Variants in ALDH4A1 observed in about 807,000 individuals in gnomAD.
ALDH4A1 encodes aldehyde dehydrogenase 4 family member A1.
ALDH4A1 carries 46 observed loss-of-function variants against 70.5 expected under a neutral mutation model. The observed-to-expected ratio is 0.65, with a 90% CI of 0.51 to 0.83. The LOEUF (loss-of-function observed/expected upper bound fraction) is 0.83. ALDH4A1 is among the 40% of genes least tolerant of loss of function. The pLI, the probability that ALDH4A1 is intolerant of heterozygous loss-of-function variation, is 0.00. For missense variants in ALDH4A1, 749 were observed against 766.5 expected (o/e 0.98, Z 0.27); for synonymous variants, 323 against 324.3 (o/e 1.00, Z 0.04).
chr1:18,875,495 G>T lies in ALDH4A1; in HGVS notation c.1347C>A (p.Phe449Leu). 1 of 1,614,078 alleles carries T rather than the reference G, an allele frequency of 6.2e-7. No homozygotes were observed. Among genetic ancestry groups the T allele is most frequent in the Non-Finnish European group, 8.5e-7 (1 of 1,180,006 alleles). ...PQEPIMKEEI[F>L]GPVLSVYVYP... ...AGACGTACACAGACAGTACAGGCCC[G>T]AAGATCTCCTAGGAGAGAGGCCCCG... The change falls in exon 13 of 15, where the codon TTC becomes TTA. Residue 449 changes from phenylalanine to leucine, a missense_variant. Physicochemically the swap from Phe to Leu is conservative, Grantham distance 22. Coordinates refer to ENST00000375341, the MANE Select transcript of ALDH4A1 (RefSeq NM_003748.4).
At position 18,883,354 on chromosome 1, in the gene ALDH4A1, A is replaced by T; in HGVS notation, c.528T>A (p.Tyr176Ter). 6.2e-7 allele frequency: 1 copy of T among 1,613,480 alleles called. No individual in the cohort carries two copies. Among genetic ancestry groups the T allele is most frequent in the Non-Finnish European group, 8.5e-7 (1 of 1,180,044 alleles). The change falls in exon 6 of 15, where the codon TAT (tyrosine) becomes TAA (stop). Residue 176 changes from tyrosine (Y) to a stop codon, truncating the protein, a stop_gained. Coordinates refer to ENST00000375341, the MANE Select transcript of ALDH4A1 (RefSeq NM_003748.4). LOFTEE classifies it high-confidence loss of function. ...GCTGCTGCCCCTCCAGCTCCACCGCATACTTGGCATTGAACCGGAAGAAGT... is the reference window on the plus strand; with the variant it reads ...GCTGCTGCCCCTCCAGCTCCACCGCTTACTTGGCATTGAACCGGAAGAAGT... The part of the protein sequence containing the change: ...LIDFFRFNAK[Y>*]AVELEGQQPI...
intron 1 of ALDH4A1, among the ~76,000 whole-genome samples, chr1:18,901,470 C>T (rs1445202463): frequency 1.3e-5 from 2 of 152,144 alleles, no homozygotes; most frequent in South Asian, 2.1e-4. Flanking sequence ...GTGGGCAGCC[C>T]CACCAGACTA....
At chr1:18,890,182 C>CT in intron 1 of ALDH4A1, 77 bp from the exon 2 acceptor site, 2 of 1,260,274 alleles carry the variant, frequency 1.6e-6, no homozygotes, top group Non-Finnish European at 2.3e-6. Flanking sequence ...CCTCTACCTC[C>CT]GACAGGGGGT....
intron 9 of ALDH4A1, among the ~76,000 whole-genome samples, chr1:18,878,555 C>T (rs748782674): frequency 2.6e-5 from 4 of 152,122 alleles, no homozygotes; most frequent in Non-Finnish European, 5.9e-5. Context: ...CTGCAACTCT[C>T]CCTCCCTCTA....
At position 18,889,234 on chromosome 1, in the gene ALDH4A1, C is replaced by G. The variant is rs546866554; in HGVS notation, c.249+128G>C. 3.7e-6 allele frequency: 3 copies of G among 820,568 alleles called. No individual in the cohort carries two copies. In the Admixed American group the frequency reaches 6.4e-5, roughly 17 times the overall value. 50.8% of individuals were successfully genotyped at this position (820,568 alleles called of 1,614,324 possible). ...TTTACTGGTCCACAGAATTCAAAAT[C>G]TGGGGTGGGGAGGGGCACTATAAAG... On this transcript the variant is annotated intron_variant, in intron 3 of 14. Coordinates refer to ENST00000375341, the MANE Select transcript of ALDH4A1 (RefSeq NM_003748.4).
intron 1 of ALDH4A1, chr1:18,900,986 A>G: frequency 1.1e-6 from 1 of 896,762 alleles, no homozygotes; most frequent in Non-Finnish European, 1.3e-6. Context: ...GGGTTTTCCT[A>G]TGCATTTCTC....
chr1:18,883,504 C>T, intron 5 of ALDH4A1, 76 bp from the exon 6 acceptor site: 1 of 1,595,322 alleles, frequency 6.3e-7, no homozygotes, highest in Non-Finnish European at 8.5e-7. Flanking sequence ...TGACGCTGTG[C>T]CCAAAGCGAG....
intron 1 of ALDH4A1, among the ~76,000 whole-genome samples, chr1:18,901,600 A>G (rs1935800979): frequency 6.6e-6 from 1 of 152,196 alleles, no homozygotes; most frequent in African/African-American, 2.4e-5. Flanking sequence ...TGGCTCCACA[A>G]TGTCAGGTTT....
At chr1:18,892,485 G>A (rs966078667) in intron 1 of ALDH4A1, among the ~76,000 whole-genome samples, 3 of 151,958 alleles carry the variant, frequency 2.0e-5, no homozygotes, top group Non-Finnish European at 4.4e-5. Context: ...AGGCCTCTCT[G>A]AGGAGGTGAC....
At chr1:18,888,077 A>G (rs961668357) in intron 3 of ALDH4A1, among the ~76,000 whole-genome samples, 2 of 152,232 alleles carry the variant, frequency 1.3e-5, no homozygotes, top group African/African-American at 4.8e-5. Context: ...CTAAAAGAGT[A>G]GCCACGAGCC....
At chr1:18,875,036 C>A (rs1022835800) in intron 13 of ALDH4A1, among the ~76,000 whole-genome samples, 8 of 152,234 alleles carry the variant, frequency 5.3e-5, no homozygotes, top group Non-Finnish European at 1.0e-4. Flanking sequence ...CCTCTGCAGC[C>A]CCTGGCCTGC....
chr1:18,875,339 G>C lies in ALDH4A1; in HGVS notation c.1460+43C>G, dbSNP rs755056557. On this transcript the variant is annotated intron_variant, in intron 13 of 14. Coordinates refer to ENST00000375341, the MANE Select transcript of ALDH4A1 (RefSeq NM_003748.4). ...GAGGTGGGGATGGGGACACGGACAG[G>C]ACACCCGGAGCACAGCACCAGGGCT... 39 of 1,613,424 alleles carry C rather than the reference G, an allele frequency of 2.4e-5. 1 individual carries two copies. The Middle Eastern group carries it at 5.2e-4, about 22-fold the overall frequency.
In ALDH4A1 at chr1:18,877,495, C is replaced by T. The variant is rs957840703; in HGVS notation, c.1058G>A (p.Arg353His). 1.2e-6 allele frequency: 2 copies of T among 1,605,574 alleles called. No homozygotes were observed. Among genetic ancestry groups the T allele is most frequent in the Non-Finnish European group, 1.7e-6 (2 of 1,176,440 alleles). The change falls in exon 10 of 15, where the codon CGT becomes CAT. Residue 353 changes from arginine to histidine, a missense_variant. Transcript: ENST00000375341. ...YGGQKCSACS[R>H]LYVPHSLWPQ... Reference sequence around the variant, plus strand: ...CCACAGCGAGTGCGGCACGTAGAGACGCGAGCACGCGGAACACTTCTGGCC... The same window carrying T: ...CCACAGCGAGTGCGGCACGTAGAGATGCGAGCACGCGGAACACTTCTGGCC...
intron 1 of ALDH4A1, among the ~76,000 whole-genome samples, chr1:18,895,912 G>T (rs1935601646): frequency 6.6e-6 from 1 of 152,192 alleles, no homozygotes; most frequent in African/African-American, 2.4e-5. Flanking sequence ...ACAGTGGGGA[G>T]CTCAGTGAGA....
Position 18,889,458 on chromosome 1 carries a change from G to C in ALDH4A1, c.157-4C>G, listed in dbSNP as rs1275941829. 6.4e-7 allele frequency: 1 copy of C among 1,551,290 alleles called. No homozygotes were observed. Among genetic ancestry groups the C allele is most frequent in the Non-Finnish European group, 8.7e-7 (1 of 1,146,724 alleles). ...GGCCCTTCAGGTCCTTCAAGGCCTG[G>C]GGAGAGGGACAAGAGTGGGTATGGT... On this transcript the variant is annotated splice_polypyrimidine_tract_variant and splice_region_variant and intron_variant, in intron 2 of 14. Coordinates refer to ENST00000375341, the MANE Select transcript of ALDH4A1 (RefSeq NM_003748.4).
At chr1:18,878,105 C>T (rs1351746787) in intron 9 of ALDH4A1, among the ~76,000 whole-genome samples, 2 of 152,170 alleles carry the variant, frequency 1.3e-5, no homozygotes, top group Non-Finnish European at 1.5e-5. Context: ...TGGGAGGGAG[C>T]TTCAGACAGG....
intron 1 of ALDH4A1, among the ~76,000 whole-genome samples, chr1:18,894,498 G>A (rs1339325117): frequency 3.9e-5 from 6 of 152,332 alleles, no homozygotes; most frequent in South Asian, 4.1e-4. Flanking sequence ...AGCCCAGATC[G>A]TGCCACTGCA....
chr1:18,884,249 G>A (rs1219367532), intron 5 of ALDH4A1, among the ~76,000 whole-genome samples: 1 of 152,214 alleles, frequency 6.6e-6, no homozygotes, highest in Non-Finnish European at 1.5e-5. Context: ...ACCCCAGAGG[G>A]CTGCTGAGCC....
chr1:18,879,133 C>G (rs1362374611), intron 9 of ALDH4A1, among the ~76,000 whole-genome samples, 167 bp downstream of exon 9: 1 of 152,234 alleles, frequency 6.6e-6, no homozygotes, highest in African/African-American at 2.4e-5. Context: ...AGTGAAGGTA[C>G]TGGACGCATC....
Sources: gnomAD v4.1 joint callset for allele counts (sites outside exome capture counted in the v4.1 genomes callset) on GRCh38, gnomAD v4.1.1 for gene constraint, MANE v1.5 for transcripts, NCBI Gene and HGNC (gene_info 2026-07-23, HGNC 2026-07-21) for gene names.